GNS: variants seen among roughly 807,000 people sequenced by gnomAD.
The protein encoded by GNS is N-acetylglucosamine-6-sulfatase.
A neutral mutation model predicts 69.7 loss-of-function variants in GNS; 40 were observed. The ratio of observed to expected loss-of-function variants is 0.57; its 90% confidence interval spans 0.45 to 0.75. GNS has a LOEUF of 0.75. Ranked by LOEUF, GNS falls within the 30% of genes least tolerant of loss-of-function variation. The pLI is 0.00. For synonymous variants in GNS, 243 were observed against 251.6 expected, an observed-to-expected ratio of 0.97 and a Z score of 0.32; for missense variants, 565 against 685.5, an observed-to-expected ratio of 0.82 and a Z score of 1.96.
intron 2 of GNS, among the ~76,000 whole-genome samples, chr12:64,750,862 C>T (rs1005666462): frequency 1.3e-5 from 2 of 151,964 alleles, no homozygotes; most frequent in Non-Finnish European, 1.5e-5. Context: ...CAGTGAGCTA[C>T]GTCACTGCAC....
Position 64,714,714 on chromosome 12 carries a change from A to G in GNS, c.*2027T>C, listed in dbSNP as rs930262649. Reference sequence around the variant, plus strand: ...GCATAAAACTGAATAATATGACATCACAGTCCAAGACCTGGTAAGAGTTGG... The same window carrying G: ...GCATAAAACTGAATAATATGACATCGCAGTCCAAGACCTGGTAAGAGTTGG... On this transcript the variant is annotated 3_prime_UTR_variant, in exon 14 of 14. Transcript: ENST00000258145. 1.4e-4 allele frequency: 21 copies of G among 152,182 alleles called. No homozygotes were observed. The highest frequency in any genetic ancestry group is 4.8e-5 in the African/African-American group (2 of 41,438). 9.4% of individuals were successfully genotyped at this position (152,182 alleles called of 1,614,324 possible).
intron 13 of GNS, among the ~76,000 whole-genome samples, chr12:64,719,758 AATCAC>A (rs1450857520): frequency 1.3e-5 from 2 of 152,170 alleles, no homozygotes; most frequent in African/African-American, 4.8e-5. Context: ...CCATGACAAT[AATCAC>A]AGCACGAAAA....
rs1294004920 is a variant in GNS at position 64,752,736 on chromosome 12, C to T, written c.214G>A (p.Ala72Thr). Residue 72 changes from alanine (A) to threonine (T), a missense_variant, in exon 2 of 14, where the codon GCT becomes ACT. Transcript: ENST00000258145. ...GGMTPLKKTKALIGEMGMTFS... is the reference protein window; with the variant it reads ...GGMTPLKKTKTLIGEMGMTFS... ...GTCATCCCCATCTCTCCGATGAGAGCTTTGGTTTTCTTTAGCGGTGTCTGT... is the reference window on the plus strand; with the variant it reads ...GTCATCCCCATCTCTCCGATGAGAGTTTTGGTTTTCTTTAGCGGTGTCTGT... 6.6e-7 allele frequency: 1 copy of T among 1,526,450 alleles called. No individual in the cohort carries two copies. Among genetic ancestry groups the T allele is most frequent in the South Asian group, 1.1e-5 (1 of 88,862 alleles). 94.6% of individuals were successfully genotyped at this position (1,526,450 alleles called of 1,614,324 possible).
At position 64,747,929 on chromosome 12, in the gene GNS, A is replaced by G. The variant is rs557641309; in HGVS notation, c.253-11T>C. The G allele has an allele frequency of 1.1e-5, 16 of 1,493,836 alleles. No homozygotes were observed. Among genetic ancestry groups the G allele is most frequent in the Non-Finnish European group, 1.4e-5 (15 of 1,070,692 alleles). The allele number at this position is 1,493,836 out of a possible 1,614,324, so 92.5% of individuals were successfully genotyped here. On this transcript the variant is annotated splice_polypyrimidine_tract_variant and intron_variant, in intron 2 of 13. Transcript: ENST00000258145. ...AGCACTTGGCACATACTACAAAGGA[A>G]AGGAAGCAAAAACGACAAAGTCACA... is the stretch of plus-strand genomic sequence containing the variant.
chr12:64,733,429 C>T (rs1016771736), intron 9 of GNS, among the ~76,000 whole-genome samples: 4 of 151,398 alleles, frequency 2.6e-5, no homozygotes, highest in African/African-American at 7.3e-5. Context: ...AAGATGGCAA[C>T]GGGCTCTCAG....
chr12:64,733,707 G>T (rs1212897056), intron 9 of GNS, among the ~76,000 whole-genome samples: 1 of 152,184 alleles, frequency 6.6e-6, no homozygotes, highest in Non-Finnish European at 1.5e-5. Flanking sequence ...TACAAAAGTA[G>T]GGGAACCAAG....
chr12:64,743,094 G>A (rs928843677), intron 6 of GNS, 47 bp downstream of exon 6: 8 of 1,402,230 alleles, frequency 5.7e-6, no homozygotes, highest in Non-Finnish European at 8.1e-6. Context: ...ATACCATATA[G>A]TTAATGATAC....
chr12:64,750,737 TA>T (rs1279664777), intron 2 of GNS, among the ~76,000 whole-genome samples: 1 of 150,976 alleles, frequency 6.6e-6, no homozygotes, highest in Admixed American at 6.6e-5. Flanking sequence ...ACCCTGTCAC[TA>T]AAAAAAAGTG....
intron 1 of GNS, 128 bp downstream of exon 1, chr12:64,758,956 GA>G: frequency 1.2e-6 from 1 of 827,772 alleles, no homozygotes; most frequent in Non-Finnish European, 2.0e-6. Flanking sequence ...CCTCAGGTGG[GA>G]AAACCAAACC....
chr12:64,728,426 T>C (rs1869279470), intron 10 of GNS, among the ~76,000 whole-genome samples: 1 of 152,236 alleles, frequency 6.6e-6, no homozygotes, highest in African/African-American at 2.4e-5. Context: ...CTTGGTAAGT[T>C]ATACTGATTA....
At chr12:64,736,877 TAA>T (rs1869572067) in intron 9 of GNS, 125 bp downstream of exon 9, 7 of 682,116 alleles carry the variant, frequency 1.0e-5, no homozygotes, top group South Asian at 9.6e-5. Flanking sequence ...TGTTTCCACT[TAA>T]AAACTCTTCT....
chr12:64,720,280 T>C, intron 12 of GNS, 98 bp from the exon 13 acceptor site: 2 of 824,382 alleles, frequency 2.4e-6, no homozygotes, highest in South Asian at 1.4e-5. Context: ...AGGGAGGAGG[T>C]AGATTAAAAA....
rs1300048878 is a variant in GNS at position 64,713,699 on chromosome 12, T to C, written c.*3042A>G. ...CTTTTGCTTTCTTTAGGATGAATCC[T>C]GGGACAACTTTCCTTTAAAAAAGCA... On this transcript the variant is annotated 3_prime_UTR_variant, in exon 14 of 14. Coordinates refer to ENST00000258145, the MANE Select transcript of GNS (RefSeq NM_002076.4). 1 of 152,340 alleles carries C rather than the reference T, an allele frequency of 6.6e-6. No homozygotes were observed. Among genetic ancestry groups the C allele is most frequent in the East Asian group, 1.9e-4 (1 of 5,200 alleles). 9.4% of individuals were successfully genotyped at this position (152,340 alleles called of 1,614,324 possible). A position where few individuals can be genotyped will look rare whatever the true frequency, so the allele number is the denominator to read the frequency against.
chr12:64,714,528 T>C lies in GNS; in HGVS notation c.*2213A>G, dbSNP rs1449465930. On this transcript the variant is annotated 3_prime_UTR_variant, in exon 14 of 14. Transcript: ENST00000258145. ...CAAGAAAAAAAGAATTGGAAGCTAT[T>C]TGAAGGTTAGATAGGAAATATACCA... 3 of 152,132 alleles carry C rather than the reference T, an allele frequency of 2.0e-5. No homozygotes were observed. The highest frequency in any genetic ancestry group is 4.4e-5 in the Non-Finnish European group (3 of 68,012). 9.4% of individuals were successfully genotyped at this position (152,132 alleles called of 1,614,324 possible). A position where few individuals can be genotyped will look rare whatever the true frequency, so the allele number is the denominator to read the frequency against.
intron 2 of GNS, among the ~76,000 whole-genome samples, chr12:64,749,790 C>T (rs1190058300): frequency 6.6e-6 from 1 of 151,512 alleles, no homozygotes; most frequent in Non-Finnish European, 1.5e-5. Context: ...CAACTCTTAA[C>T]TCTTTCTCTT....
intron 13 of GNS, among the ~76,000 whole-genome samples, 190 bp from the exon 14 acceptor site, chr12:64,717,009 A>G (rs1460302635): frequency 6.6e-6 from 1 of 152,192 alleles, no homozygotes; most frequent in Non-Finnish European, 1.5e-5. Flanking sequence ...GTCAGCACAC[A>G]CAAAGTCACA....
intron 11 of GNS, 44 bp downstream of exon 11, chr12:64,722,962 T>G (rs915623482): frequency 5.3e-6 from 6 of 1,129,484 alleles, no homozygotes; most frequent in Non-Finnish European, 8.1e-6. Context: ...CTTGCCATGT[T>G]GTCAGTGAGA....
At chr12:64,753,673 G>A (rs1453661328) in intron 1 of GNS, among the ~76,000 whole-genome samples, 1 of 152,168 alleles carries the variant, frequency 6.6e-6, no homozygotes, top group Non-Finnish European at 1.5e-5. Context: ...GTTAACAGGA[G>A]CCTCATTTTC....
chr12:64,752,735 G>C lies in GNS; in HGVS notation c.215C>G (p.Ala72Gly), dbSNP rs780411862. Reference sequence around the variant, plus strand: ...AGTCATCCCCATCTCTCCGATGAGAGCTTTGGTTTTCTTTAGCGGTGTCTG... The same window carrying C: ...AGTCATCCCCATCTCTCCGATGAGACCTTTGGTTTTCTTTAGCGGTGTCTG... Reference protein sequence around the residue: ...GGMTPLKKTKALIGEMGMTFS... With the variant: ...GGMTPLKKTKGLIGEMGMTFS... Residue 72 changes from alanine (A) to glycine (G), a missense_variant, in exon 2 of 14, where the codon GCT (alanine) becomes GGT (glycine). Coordinates refer to ENST00000258145, the MANE Select transcript of GNS (RefSeq NM_002076.4). 3.8e-5 allele frequency: 58 copies of C among 1,538,368 alleles called. 1 individual carries two copies. The South Asian group carries it at 6.4e-4, about 17-fold the overall frequency.
Sources: gnomAD v4.1 joint callset for allele counts (sites outside exome capture counted in the v4.1 genomes callset) on GRCh38, gnomAD v4.1.1 for gene constraint, MANE v1.5 for transcripts, NCBI Gene and HGNC (gene_info 2026-07-23, HGNC 2026-07-21) for gene names.